Variants in SARDH observed in about 807,000 individuals in gnomAD.
SARDH encodes sarcosine dehydrogenase.
A neutral mutation model predicts 109.1 loss-of-function variants in SARDH; 95 were observed. The observed-to-expected ratio is 0.87, with a 90% confidence interval of 0.74 to 1.03. The LOEUF is 1.03. Among genes scored for constraint, SARDH ranks in the 50% least tolerant of loss-of-function variants. The pLI is 0.00. For synonymous variants in SARDH, 572 were observed against 534.8 expected (o/e 1.07, Z -0.96); for missense variants, 1,267 against 1,287.8 (o/e 0.98, Z 0.25).
chr9:133,685,630 G>A (rs1175190097), intron 16 of SARDH, among the ~76,000 whole-genome samples: 1 of 152,192 alleles, frequency 6.6e-6, no homozygotes, highest in African/African-American at 2.4e-5. Flanking sequence ...GAGGAACAGA[G>A]CATCTGGACC....
chr9:133,733,212 AC>A (rs1832747913), intron 2 of SARDH, among the ~76,000 whole-genome samples: 1 of 151,830 alleles, frequency 6.6e-6, no homozygotes, highest in South Asian at 2.1e-4. Context: ...CCAGGGATAA[AC>A]CTCTTCCCAA....
Position 133,718,929 on chromosome 9 carries a change from G to T in SARDH, c.1020+9C>A. ...TCCCTCCCATTATCCCAGGGCCCTG[G>T]CATCTTACCTCCTCCCAAAAGATGG... is the stretch of plus-strand genomic sequence containing the variant. On this transcript the variant is annotated intron_variant, in intron 7 of 20. Transcript: ENST00000439388. This position sits in a 1 kb window ranked among gnomAD's most constrained non-coding sequence, Gnocchi z 4.2. The T allele has an allele frequency of 6.2e-7, 1 of 1,602,908 alleles. No homozygotes were observed. The highest frequency in any genetic ancestry group is 1.1e-5 in the South Asian group (1 of 90,782).
chr9:133,732,542 G>T lies in SARDH; in HGVS notation c.391C>A (p.Arg131=). The change falls in exon 3 of 21, where the codon CGG becomes AGG. Residue 131 remains arginine, a synonymous_variant. Transcript: ENST00000439388. Reference sequence around the variant, plus strand: ...TCCTCCAGCTCCCGGCTCACCACCCGCCGAGTGTGGGCCAGAAGCTCCACC... The same window carrying T: ...TCCTCCAGCTCCCGGCTCACCACCCTCCGAGTGTGGGCCAGAAGCTCCACC... The part of the protein sequence containing the change: ...VEVELLAHTR[R]VVSRELEEET... 6.2e-7 allele frequency: 1 copy of T among 1,613,624 alleles called. No individual in the cohort carries two copies. Among genetic ancestry groups the T allele is most frequent in the Non-Finnish European group, 8.5e-7 (1 of 1,179,804 alleles).
chr9:133,738,604 T>A (rs907199199), upstream of SARDH, among the ~76,000 whole-genome samples: 1 of 152,148 alleles, frequency 6.6e-6, no homozygotes, highest in Non-Finnish European at 1.5e-5. Context: ...CGCCTCAGGG[T>A]TGCTGCAGTA....
Position 133,718,994 on chromosome 9 carries a change from G to A in SARDH, c.964C>T (p.Gln322Ter). 6.2e-7 allele frequency: 1 copy of A among 1,614,180 alleles called. No homozygotes were observed. The highest frequency in any genetic ancestry group is 8.5e-7 in the Non-Finnish European group (1 of 1,180,030). The part of the protein sequence containing the change: ...DHDASVYLRL[Q>*]GDALSVGGYE... Reference sequence around the variant, plus strand: ...CCACCCACAGACAAGGCATCCCCTTGGAGGCGGAGGTAGACAGAGGCATCA... The same window carrying A: ...CCACCCACAGACAAGGCATCCCCTTAGAGGCGGAGGTAGACAGAGGCATCA... The change falls in exon 7 of 21, where the codon CAA (glutamine) becomes TAA (stop). Residue 322 changes from glutamine (Q) to a stop codon, truncating the protein, a stop_gained. Transcript: ENST00000439388. LOFTEE classifies it high-confidence loss of function. This position sits in a 1 kb window ranked among gnomAD's most constrained non-coding sequence, Gnocchi z 4.2.
Position 133,666,719 on chromosome 9 carries a change from A to G in SARDH, c.2631+16T>C, listed in dbSNP as rs1830079338. The G allele has an allele frequency of 4.4e-6, 7 of 1,579,292 alleles. No individual in the cohort carries two copies. The East Asian group carries it at 1.4e-4, about 31-fold the overall frequency. Reference sequence around the variant, plus strand: ...GATCGGCATCTGCCTTAGCAGGGCCAGAGAAGGGGACTCACCGGCCCACCG... The same window carrying G: ...GATCGGCATCTGCCTTAGCAGGGCCGGAGAAGGGGACTCACCGGCCCACCG... On this transcript the variant is annotated intron_variant, in intron 20 of 20. Coordinates refer to ENST00000439388, the MANE Select transcript of SARDH (RefSeq NM_001134707.2). This position sits in a 1 kb window ranked among gnomAD's most constrained non-coding sequence, Gnocchi z 5.2.
At chr9:133,688,200 G>T (rs1050540272) in intron 16 of SARDH, among the ~76,000 whole-genome samples, 2 of 152,144 alleles carry the variant, frequency 1.3e-5, no homozygotes, top group East Asian at 3.9e-4. Context: ...GAAATGAAAA[G>T]CACACAGCAT....
rs528751663 is a variant in SARDH at position 133,704,100 on chromosome 9, A to G, written c.1554+848T>C. Among the ~76,000 whole-genome samples the G allele has an allele frequency of 4.6e-5, 7 of 152,148 alleles. No individual in the cohort carries two copies. The East Asian group carries it at 1.2e-3, about 25-fold the overall frequency. Reference sequence around the variant, plus strand: ...TCCCCGCAGGGTTCATGAGGACGGCATGTCCCTAGGGGCCAGCAGGAGAAG... The same window carrying G: ...TCCCCGCAGGGTTCATGAGGACGGCGTGTCCCTAGGGGCCAGCAGGAGAAG... On this transcript the variant is annotated intron_variant, in intron 12 of 20. Transcript: ENST00000439388. This position sits in a 1 kb window ranked among gnomAD's most constrained non-coding sequence, Gnocchi z 4.5.
In SARDH at chr9:133,670,602, A is replaced by G. The variant is rs751491554; in HGVS notation, c.2477T>C (p.Val826Ala). The G allele has an allele frequency of 2.7e-5, 43 of 1,575,566 alleles. No homozygotes were observed. The highest frequency in any genetic ancestry group is 3.5e-5 in the Non-Finnish European group (41 of 1,160,832). ...QRAAGLRRRL[V>A]CFTMEDKVPM... ...TACTCACTCCTCCATGGTGAAGCAC[A>G]CCAGGCGCCGGCGGAGGCCTGCGGC... Residue 826 changes from valine (V) to alanine (A), a missense_variant, in exon 19 of 21, where the codon GTG (valine) becomes GCG (alanine). Physicochemically the swap from Val to Ala is moderately conservative, Grantham distance 64. Transcript: ENST00000439388.
At chr9:133,691,765 A>G (rs1037327367) in intron 15 of SARDH, among the ~76,000 whole-genome samples, 2 of 152,190 alleles carry the variant, frequency 1.3e-5, no homozygotes, top group Non-Finnish European at 2.9e-5. Flanking sequence ...TTTAATGCCC[A>G]TGCATATTCA....
In SARDH at chr9:133,733,895, C is replaced by A; in HGVS notation, c.279G>T (p.Ala93=). 6.5e-7 allele frequency: 1 copy of A among 1,527,226 alleles called. No homozygotes were observed. Among genetic ancestry groups the A allele is most frequent in the Non-Finnish European group, 8.8e-7 (1 of 1,137,174 alleles). The allele number at this position is 1,527,226 out of a possible 1,614,324, so 94.6% of individuals were successfully genotyped here. ...TCAGCCGCTCCCGCTCCAGCAGCACCGCCCCACTCATGCCCAGCTTGGCCA... is the reference window on the plus strand; with the variant it reads ...TCAGCCGCTCCCGCTCCAGCAGCACAGCCCCACTCATGCCCAGCTTGGCCA... ...YHLAKLGMSG[A]VLLERERLTS... Residue 93 remains alanine, a synonymous_variant, in exon 2 of 21, where the codon GCG becomes GCT. Transcript: ENST00000439388.
chr9:133,660,184 G>A (rs129919), downstream of SARDH, among the ~76,000 whole-genome samples: 3,915 of 151,884 alleles, frequency 0.026, 184 homozygotes, highest in African/African-American at 0.09. Context: ...CCAGATAAGC[G>A]TAACCCCGTG....
At position 133,671,559 on chromosome 9, in the gene SARDH, T is replaced by C. The variant is rs555882054; in HGVS notation, c.2302A>G (p.Ile768Val). The C allele has an allele frequency of 1.2e-6, 2 of 1,608,428 alleles. No individual in the cohort carries two copies. The highest frequency in any genetic ancestry group is 1.1e-5 in the South Asian group (1 of 90,078). The part of the protein sequence containing the change: ...HGLINAGYRA[I>V]DSLSIEKGYR... ...CCTTTCTCAATGCTCAGGGAGTCGA[T>C]GGCGCGGTACCCTGCGTTGATGAGG... Residue 768 changes from isoleucine (I) to valine (V), a missense_variant, in exon 18 of 21, where the codon ATC becomes GTC. Physicochemically the swap from Ile to Val is conservative, Grantham distance 29 (BLOSUM62 3). Transcript: ENST00000439388.
intron 6 of SARDH, among the ~76,000 whole-genome samples, chr9:133,729,112 TGGATGGAGAGAC>T (rs1832586949): frequency 6.6e-6 from 1 of 151,530 alleles, no homozygotes; most frequent in Admixed American, 6.6e-5. Context: ...CGGGAGTAGA[TGGATGGAGAGAC>T]GGATGGAGAG....
rs1473430816 is a variant in SARDH, at chr9:133,663,685, G to C, written c.*204C>G. ...TTTCTGGGAGGATTGGGGTGGATTAGAGACTGCCTTCCAGTCAGTGACCAC... is the reference window on the plus strand; with the variant it reads ...TTTCTGGGAGGATTGGGGTGGATTACAGACTGCCTTCCAGTCAGTGACCAC... On this transcript the variant is annotated 3_prime_UTR_variant, in exon 21 of 21. Coordinates refer to ENST00000439388, the MANE Select transcript of SARDH (RefSeq NM_001134707.2). The C allele has an allele frequency of 7.4e-6, 5 of 674,622 alleles. No individual in the cohort carries two copies. Among genetic ancestry groups the C allele is most frequent in the Non-Finnish European group, 1.3e-5 (5 of 393,570 alleles). The allele number at this position is 674,622 out of a possible 1,614,324, so 41.8% of individuals were successfully genotyped here.
intron 17 of SARDH, among the ~76,000 whole-genome samples, chr9:133,683,343 T>TC (rs1459813643): frequency 5.9e-5 from 9 of 152,254 alleles, no homozygotes; most frequent in African/African-American, 9.6e-5. Flanking sequence ...CACCTGGTCG[T>TC]CTCCCCGTCC....
rs572494785 is a variant in SARDH, at chr9:133,710,037, T to G, written c.1329-1609A>C. 5.9e-5 allele frequency among the ~76,000 whole-genome samples: 9 copies of G among 152,192 alleles called. No individual in the cohort carries two copies. The East Asian group carries it at 1.5e-3, about 26-fold the overall frequency. On this transcript the variant is annotated intron_variant, in intron 10 of 20. Transcript: ENST00000439388. ...GCTGCCAATTCGGCCTGTGAGCAAG[T>G]GGGCAGAGGGACCAGGCCGGCCCAG... is the stretch of plus-strand genomic sequence containing the variant.
intron 10 of SARDH, among the ~76,000 whole-genome samples, chr9:133,711,048 C>T (rs1023716574): frequency 6.6e-5 from 10 of 152,364 alleles, no homozygotes; most frequent in Middle Eastern, 3.4e-3. Flanking sequence ...GGCACACTCC[C>T]GCCAAAGTCC....
At chr9:133,705,930 G>A (rs1403900589) in intron 11 of SARDH, among the ~76,000 whole-genome samples, 7 of 152,124 alleles carry the variant, frequency 4.6e-5, no homozygotes, top group East Asian at 1.9e-4. Context: ...GAAGGTGGCC[G>A]ACTACAAGCC....
Sources: gnomAD v4.1 joint callset for allele counts (sites outside exome capture counted in the v4.1 genomes callset) on GRCh38, gnomAD v4.1.1 for gene constraint, Gnocchi (gnomAD v3.1) non-coding constraint, MANE v1.5 for transcripts, NCBI Gene and HGNC (gene_info 2026-07-23, HGNC 2026-07-21) for gene names.